Variants in POM121C observed in about 807,000 individuals in gnomAD.
POM121C encodes POM121 transmembrane nucleoporin C.
Under a neutral mutation model 66.4 loss-of-function variants are expected in POM121C, and 20 were observed. That is an observed-to-expected ratio of 0.30 (90% CI 0.21 to 0.44). POM121C has a LOEUF of 0.44. POM121C is among the 20% of genes least tolerant of loss of function. POM121C has a pLI of 1.00. For missense variants in POM121C, 580 were observed against 1,225.7 expected, an observed-to-expected ratio of 0.47 and a Z score of 7.87; for synonymous variants, 286 against 528.0, an observed-to-expected ratio of 0.54 and a Z score of 6.28.
rs416185 is a variant in POM121C at position 75,424,148 on chromosome 7, T to C, written c.949A>G (p.Thr317Ala). Residue 317 changes from threonine (T) to alanine (A), a missense_variant, in exon 12 of 15, where the codon ACT becomes GCT. Coordinates refer to ENST00000615331, the MANE Select transcript of POM121C (RefSeq NM_001099415.3). ...AGGAGGGAGGTGGGTGGGGAGGCAGTTGCAGCAGCAGGCAGGGTAAAGGTA... is the reference window on the plus strand; with the variant it reads ...AGGAGGGAGGTGGGTGGGGAGGCAGCTGCAGCAGCAGGCAGGGTAAAGGTA... ...SFTFTLPAAA[T>A]ASPPTSLLAP... 1.8e-5 allele frequency: 29 copies of C among 1,610,774 alleles called. No individual in the cohort carries two copies. Among genetic ancestry groups the C allele is most frequent in the Non-Finnish European group, 2.1e-5 (25 of 1,179,082 alleles).
intron 3 of POM121C, among the ~76,000 whole-genome samples, chr7:75,452,075 A>C (rs1791040748): frequency 6.6e-6 from 1 of 152,182 alleles, no homozygotes; most frequent in Non-Finnish European, 1.5e-5. Flanking sequence ...GAGGCAGGAG[A>C]ATCTCTTGAA....
Position 75,421,666 on chromosome 7 carries a change from G to C in POM121C, c.2586C>G (p.Thr862=), listed in dbSNP as rs781799072. 3 of 1,612,108 alleles carry C rather than the reference G, an allele frequency of 1.9e-6. No individual in the cohort carries two copies. The South Asian group carries it at 3.3e-5, about 18-fold the overall frequency. ...NVATPGSSAT[T]GAFSFGAGQS... ...GTCCTGCTCCAAAGCTGAAAGCTCC[G>C]GTGGTGGCGCTGGAGCCTGGGGTGG... Residue 862 remains threonine, a synonymous_variant, in exon 13 of 15, where the codon ACC becomes ACG. Coordinates refer to ENST00000615331, the MANE Select transcript of POM121C (RefSeq NM_001099415.3).
chr7:75,474,103 A>T (rs587751539), intron 3 of POM121C, among the ~76,000 whole-genome samples: 2 of 152,248 alleles, frequency 1.3e-5, no homozygotes, highest in African/African-American at 4.8e-5. Context: ...AAATGAAACA[A>T]TTCTGTAAGG....
chr7:75,428,097 C>T (rs1790026371), intron 7 of POM121C, among the ~76,000 whole-genome samples: 4 of 151,836 alleles, frequency 2.6e-5, no homozygotes, highest in Non-Finnish European at 2.9e-5. Context: ...AGATCCCTGA[C>T]ACTACCTCGC....
Position 75,424,080 on chromosome 7 carries a change from C to T in POM121C, c.1017G>A (p.Met339Ile), listed in dbSNP as rs372515187. 16 of 1,611,702 alleles carry T rather than the reference C, an allele frequency of 9.9e-6. No individual in the cohort carries two copies. The highest frequency in any genetic ancestry group is 2.2e-4 in the Middle Eastern group (1 of 4,452). Reference sequence around the variant, plus strand: ...AGGGTGGCAGGCTCGGGGGAGTCTGCATCTTCTTCAAGCTCTCTAACAGTG... The same window carrying T: ...AGGGTGGCAGGCTCGGGGGAGTCTGTATCTTCTTCAAGCTCTCTAACAGTG... ...TNPLLESLKKMQTPPSLPPCP... is the reference protein window; with the variant it reads ...TNPLLESLKKIQTPPSLPPCP... The change falls in exon 12 of 15, where the codon ATG (methionine) becomes ATA (isoleucine). Residue 339 changes from methionine to isoleucine, a missense_variant. By Grantham distance (10) the Met-to-Ile change is conservative. Coordinates refer to ENST00000615331, the MANE Select transcript of POM121C (RefSeq NM_001099415.3).
intron 3 of POM121C, among the ~76,000 whole-genome samples, chr7:75,461,229 G>A (rs1791431095): frequency 6.6e-6 from 1 of 151,886 alleles, no homozygotes; most frequent in South Asian, 2.1e-4. Flanking sequence ...CAAAGAAACA[G>A]GAAATAGGAA....
At chr7:75,485,086 A>G (rs1239069184) in intron 1 of POM121C, among the ~76,000 whole-genome samples, 3 of 151,684 alleles carry the variant, frequency 2.0e-5, no homozygotes, top group Admixed American at 2.0e-4. Context: ...CTCAAGGGAT[A>G]CTCTTGCCCT....
chr7:75,477,727 G>A (rs1295097831), intron 1 of POM121C, among the ~76,000 whole-genome samples: 2 of 151,412 alleles, frequency 1.3e-5, no homozygotes, highest in Non-Finnish European at 2.9e-5. Flanking sequence ...CCAGGAGCTT[G>A]AGACCAGCCT....
chr7:75,462,200 G>C (rs1308269125), intron 3 of POM121C, among the ~76,000 whole-genome samples: 8 of 149,902 alleles, frequency 5.3e-5, no homozygotes, highest in African/African-American at 1.7e-4. Flanking sequence ...GTGATAGTGA[G>C]GGAGTTCTCA....
chr7:75,467,805 G>C (rs1256246239), intron 3 of POM121C, among the ~76,000 whole-genome samples: 1 of 151,992 alleles, frequency 6.6e-6, no homozygotes, highest in African/African-American at 2.4e-5. Context: ...ACCTACCTAT[G>C]TGTGAGGAAC....
At chr7:75,424,923 G>A in intron 10 of POM121C, 151 bp downstream of exon 10, 1 of 1,465,932 alleles carries the variant, frequency 6.8e-7, no homozygotes, top group Non-Finnish European at 9.0e-7. Flanking sequence ...TCGAGCCACT[G>A]AACTCCAGCC....
Position 75,422,248 on chromosome 7 carries a change from G to A in POM121C, c.2004C>T (p.Ser668=). 1 of 1,611,274 alleles carries A rather than the reference G, an allele frequency of 6.2e-7. No individual in the cohort carries two copies. Among genetic ancestry groups the A allele is most frequent in the Non-Finnish European group, 8.5e-7 (1 of 1,179,406 alleles). The change falls in exon 13 of 15, where the codon AGC becomes AGT. Residue 668 remains serine, a synonymous_variant. Coordinates refer to ENST00000615331, the MANE Select transcript of POM121C (RefSeq NM_001099415.3). The stretch of plus-strand genomic sequence containing the variant: ...TACTGAACGTCAGAGTGGGCTGGCT[G>A]CTGGTGGCCGGGGCGGAGGTGGCGA... ...STLATSAPAT[S]SQPTLTFSNT... is the part of the protein sequence containing the mutation.
intron 4 of POM121C, 102 bp downstream of exon 4, chr7:75,441,330 G>A (rs1790638916): frequency 2.8e-6 from 4 of 1,420,870 alleles, no homozygotes; most frequent in East Asian, 2.4e-5. Flanking sequence ...AAGCAGATTC[G>A]TCCTTTCTTT....
chr7:75,473,689 TG>T (rs1338142703), intron 3 of POM121C, among the ~76,000 whole-genome samples: 21 of 150,392 alleles, frequency 1.4e-4, no homozygotes, highest in African/African-American at 1.9e-4. Flanking sequence ...TTTGTTTGTT[TG>T]TTTTTTTGTT....
At chr7:75,428,523 G>T (rs1181844379) in intron 7 of POM121C, among the ~76,000 whole-genome samples, 7 of 152,208 alleles carry the variant, frequency 4.6e-5, no homozygotes, top group African/African-American at 1.7e-4. Context: ...TGAGGCAGGA[G>T]AACTGCTTGA....
chr7:75,441,185 G>C, intron 4 of POM121C, 70 bp from the exon 5 acceptor site: 1 of 1,592,912 alleles, frequency 6.3e-7, no homozygotes, highest in Non-Finnish European at 8.6e-7. Flanking sequence ...ACGGAAATCA[G>C]AAGCTAACCA....
intron 7 of POM121C, among the ~76,000 whole-genome samples, chr7:75,428,189 G>A (rs1554471930): frequency 6.6e-6 from 1 of 151,904 alleles, no homozygotes; most frequent in African/African-American, 2.4e-5. Context: ...CACCAGGCTG[G>A]AGTGCAGTGG....
intron 3 of POM121C, among the ~76,000 whole-genome samples, chr7:75,452,761 T>A (rs1355738868): frequency 6.6e-6 from 1 of 152,228 alleles, no homozygotes; most frequent in Non-Finnish European, 1.5e-5. Context: ...AGACTGTTGC[T>A]AACAAAATGG....
At chr7:75,463,410 A>G (rs1158644458) in intron 3 of POM121C, among the ~76,000 whole-genome samples, 1 of 151,662 alleles carries the variant, frequency 6.6e-6, no homozygotes, top group Non-Finnish European at 1.5e-5. Context: ...GTGCCCCAGC[A>G]CAGTGGCAAT....
Sources: allele counts gnomAD v4.1 joint callset (sites outside exome capture counted in the v4.1 genomes callset), GRCh38; gene constraint gnomAD v4.1.1; transcripts MANE v1.5; gene names NCBI Gene and HGNC (gene_info 2026-07-23, HGNC 2026-07-21).